KIF6: variants seen among roughly 807,000 people sequenced by gnomAD.
The protein encoded by KIF6 is kinesin family member 6.
A neutral mutation model predicts 112.7 loss-of-function variants in KIF6; 106 were observed. That is an observed-to-expected ratio of 0.94 (90% CI 0.80 to 1.11). The LOEUF (loss-of-function observed/expected upper bound fraction) is 1.11, where lower values mean the gene tolerates loss of function less well. Ranked by LOEUF, KIF6 falls within the 50% of genes least tolerant of loss-of-function variation. The pLI is 0.00. For synonymous variants in KIF6, 339 were observed against 339.9 expected (o/e 1.00, Z 0.03); for missense variants, 929 against 964.0 (o/e 0.96, Z 0.48).
chr6:39,528,587 C>T (rs903342184), intron 13 of KIF6, among the ~76,000 whole-genome samples: 2 of 152,200 alleles, frequency 1.3e-5, no homozygotes, highest in South Asian at 2.1e-4. Flanking sequence ...TACATTCCCA[C>T]CAACAGTGTA....
Position 39,378,287 on chromosome 6 carries a change from C to T in KIF6, c.1861+7335G>A, listed in dbSNP as rs1245925647. 1.3e-5 allele frequency among the ~76,000 whole-genome samples: 2 copies of T among 151,844 alleles called. No individual in the cohort carries two copies. The highest frequency in any genetic ancestry group is 2.4e-5 in the African/African-American group (1 of 41,316). On this transcript the variant is annotated intron_variant, in intron 16 of 22. Transcript: ENST00000287152. The surrounding 1 kb of genome is among the most constrained non-coding windows in gnomAD (Gnocchi z 5.0). ...AACCCACAAACCACACACACATACA[C>T]ACCACACACACAAGCACAAAACACA...
At chr6:39,586,481 C>A in intron 7 of KIF6, 77 bp from the exon 8 acceptor site, 3 of 1,199,838 alleles carry the variant, frequency 2.5e-6, no homozygotes, top group Non-Finnish European at 3.6e-6. Flanking sequence ...GCTTCAATAG[C>A]AATAAAAATG....
At chr6:39,615,224 G>C (rs1032347522) in intron 5 of KIF6, among the ~76,000 whole-genome samples, 5 of 151,614 alleles carry the variant, frequency 3.3e-5, no homozygotes, top group Non-Finnish European at 5.9e-5. Flanking sequence ...GAAAAGAAGA[G>C]AGTTCTGCCT....
intron 9 of KIF6, among the ~76,000 whole-genome samples, chr6:39,583,635 G>A (rs1389759583): frequency 7.8e-6 from 1 of 129,004 alleles, no homozygotes; most frequent in Non-Finnish European, 1.6e-5. Context: ...TTTGATTTGA[G>A]AAATTTATAA....
chr6:39,413,794 C>T (rs1015231862), intron 15 of KIF6, among the ~76,000 whole-genome samples: 2 of 152,192 alleles, frequency 1.3e-5, no homozygotes, highest in African/African-American at 4.8e-5. Flanking sequence ...TGAGACAACA[C>T]ATTTCCTTCT....
intron 13 of KIF6, among the ~76,000 whole-genome samples, chr6:39,513,396 T>C (rs937846831): frequency 6.6e-6 from 1 of 152,312 alleles, no homozygotes; most frequent in Non-Finnish European, 1.5e-5. Flanking sequence ...CCACAATATG[T>C]TGAGACATTG....
chr6:39,697,541 CT>C (rs35838361), intron 3 of KIF6, among the ~76,000 whole-genome samples: 108,543 of 131,464 alleles, frequency 0.83, 44,252 homozygotes, highest in East Asian at 0.93. Flanking sequence ...TTTATCCTTT[CT>C]TTTTTTTTTT....
chr6:39,447,305 G>T (rs763828796), intron 13 of KIF6, among the ~76,000 whole-genome samples: 2 of 152,084 alleles, frequency 1.3e-5, no homozygotes, highest in Non-Finnish European at 2.9e-5. Flanking sequence ...CTTTCCCTCT[G>T]GTAACAACTA....
intron 6 of KIF6, among the ~76,000 whole-genome samples, chr6:39,610,127 C>T (rs34775457): frequency 0.022 from 3,297 of 152,062 alleles, 59 homozygotes; most frequent in Non-Finnish European, 0.032. Flanking sequence ...AGCTATAAGA[C>T]AAAAAAAGTA....
At chr6:39,654,713 C>T (rs1163667724) in intron 3 of KIF6, among the ~76,000 whole-genome samples, 2 of 152,178 alleles carry the variant, frequency 1.3e-5, no homozygotes, top group African/African-American at 2.4e-5. Context: ...TGTATGCATA[C>T]TTCCAGACAT....
chr6:39,523,206 T>C (rs752242263), intron 13 of KIF6, among the ~76,000 whole-genome samples: 1 of 152,144 alleles, frequency 6.6e-6, no homozygotes, highest in African/African-American at 2.4e-5. Flanking sequence ...CTCAAATGTT[T>C]GTCTCATCTT....
At position 39,336,189 on chromosome 6, in the gene KIF6, T is replaced by C. The variant is rs1315973148; in HGVS notation, c.*343A>G. On this transcript the variant is annotated 3_prime_UTR_variant, in exon 23 of 23. Coordinates refer to ENST00000287152, the MANE Select transcript of KIF6 (RefSeq NM_145027.6). ...ATCCTCTGACATTATATTTTGATGGTGCTATTTCACATTCTCAAAAGCTTA... is the reference window on the plus strand; with the variant it reads ...ATCCTCTGACATTATATTTTGATGGCGCTATTTCACATTCTCAAAAGCTTA... 4.1e-6 allele frequency: 1 copy of C among 244,840 alleles called. No homozygotes were observed. Among genetic ancestry groups the C allele is most frequent in the African/African-American group, 2.3e-5 (1 of 44,422 alleles). The allele number at this position is 244,840 out of a possible 1,614,324, so 15.2% of individuals were successfully genotyped here. A position where few individuals can be genotyped will look rare whatever the true frequency, so the allele number is the denominator to read the frequency against.
Position 39,633,151 on chromosome 6 carries a change from T to C in KIF6, c.509+1698A>G, listed in dbSNP as rs116266043. Among the ~76,000 whole-genome samples, 433 of 152,208 alleles carry C rather than the reference T, an allele frequency of 2.8e-3. 4 individuals are homozygous for C. The highest frequency in any genetic ancestry group is 9.9e-3 in the African/African-American group (413 of 41,532). ...TACTGCCTAAGCCAGAATAAGTCCT[T>C]AATAACTTTTAAAAATTATTTGTGG... is the stretch of plus-strand genomic sequence containing the variant. On this transcript the variant is annotated intron_variant, in intron 5 of 22. Transcript: ENST00000287152.
At chr6:39,435,897 T>C (rs1467822114) in intron 13 of KIF6, among the ~76,000 whole-genome samples, 1 of 152,220 alleles carries the variant, frequency 6.6e-6, no homozygotes, top group Non-Finnish European at 1.5e-5. Context: ...GATTGCTGGA[T>C]CAAGTGGTAG....
chr6:39,681,561 T>C (rs1460175451), intron 3 of KIF6, among the ~76,000 whole-genome samples: 3 of 152,146 alleles, frequency 2.0e-5, no homozygotes, highest in Non-Finnish European at 4.4e-5. Context: ...CCTACTTCTT[T>C]CAATACTCAA....
At chr6:39,654,578 A>G (rs1451578107) in intron 3 of KIF6, among the ~76,000 whole-genome samples, 1 of 152,204 alleles carries the variant, frequency 6.6e-6, no homozygotes, top group Non-Finnish European at 1.5e-5. Flanking sequence ...TTATACAAGT[A>G]ATTCATAAAT....
At chr6:39,487,577 A>G (rs538923769) in intron 13 of KIF6, among the ~76,000 whole-genome samples, 1 of 152,306 alleles carries the variant, frequency 6.6e-6, no homozygotes, top group Admixed American at 6.5e-5. Context: ...CAATGCCAAG[A>G]GTTCTCCCTA....
chr6:39,548,606 A>C (rs546149359), intron 10 of KIF6, among the ~76,000 whole-genome samples: 2 of 152,344 alleles, frequency 1.3e-5, no homozygotes, highest in South Asian at 4.1e-4. Flanking sequence ...TCTAATAATT[A>C]AAATGCAGAA....
At chr6:39,499,637 T>C (rs1441213882) in intron 13 of KIF6, among the ~76,000 whole-genome samples, 1 of 152,136 alleles carries the variant, frequency 6.6e-6, no homozygotes, top group Non-Finnish European at 1.5e-5. Context: ...CTGTCTTCTG[T>C]TTTCCTCCTA....
Sources: gnomAD v4.1 joint callset for allele counts (sites outside exome capture counted in the v4.1 genomes callset) on GRCh38, gnomAD v4.1.1 for gene constraint, Gnocchi (gnomAD v3.1) non-coding constraint, MANE v1.5 for transcripts, NCBI Gene and HGNC (gene_info 2026-07-23, HGNC 2026-07-21) for gene names.